NR2F6: variants seen among roughly 807,000 people sequenced by gnomAD.
The protein encoded by NR2F6 is nuclear receptor subfamily 2 group F member 6, also known as ERBA-related gene-2.
Under a neutral mutation model 26.5 loss-of-function variants are expected in NR2F6, and 16 were observed. The ratio of observed to expected loss-of-function variants is 0.60; its 90% CI spans 0.41 to 0.92. The LOEUF is 0.92. NR2F6 is among the 40% of genes least tolerant of loss of function. The pLI, the probability that NR2F6 is intolerant of heterozygous loss-of-function variation, is 0.00. For synonymous variants in NR2F6, 325 were observed against 305.0 expected, an observed-to-expected ratio of 1.07 and a Z score of -0.68; for missense variants, 536 against 631.7, an observed-to-expected ratio of 0.85 and a Z score of 1.62.
At chr19:17,234,950 G>C (rs1157653932) in intron 3 of NR2F6, among the ~76,000 whole-genome samples, 1 of 152,242 alleles carries the variant, frequency 6.6e-6, no homozygotes, top group Non-Finnish European at 1.5e-5. Context: ...ACCACTGCTA[G>C]ATAGCTGATG....
chr19:17,240,804 A>G (rs1568317904), intron 1 of NR2F6, 39 bp from the exon 2 acceptor site: 4 of 1,600,294 alleles, frequency 2.5e-6, no homozygotes, highest in Non-Finnish European at 2.6e-6. Context: ...TGAGACCCCC[A>G]TATCCTCCTC....
intron 2 of NR2F6, among the ~76,000 whole-genome samples, chr19:17,239,336 A>AAAAAC (rs137878588): frequency 0.061 from 9,046 of 149,450 alleles, 365 homozygotes; most frequent in Middle Eastern, 0.2. Flanking sequence ...ACTCTGTCTC[A>AAAAAC]AAAACAAAAC....
At chr19:17,234,057 T>C (rs1446216030) in intron 3 of NR2F6, among the ~76,000 whole-genome samples, 1 of 151,798 alleles carries the variant, frequency 6.6e-6, no homozygotes, top group African/African-American at 2.4e-5. Context: ...ACCCCGTCTC[T>C]ACTAAAAACA....
intron 1 of NR2F6, among the ~76,000 whole-genome samples, chr19:17,243,629 G>A (rs2073480519): frequency 6.6e-6 from 1 of 152,180 alleles, no homozygotes; most frequent in Non-Finnish European, 1.5e-5. Flanking sequence ...ACTTTGTGCT[G>A]GAGGAGGGAG....
In NR2F6 at chr19:17,245,193, C is replaced by A. The variant is rs1366448172; in HGVS notation, c.28G>T (p.Gly10Cys). MAMVTGGWG[G>C]PGGDTNGVDK... Reference sequence around the variant, plus strand: ...ACGCCGTTCGTGTCGCCGCCGGGGCCGCCCCAGCCGCCGGTCACCATGGCC... The same window carrying A: ...ACGCCGTTCGTGTCGCCGCCGGGGCAGCCCCAGCCGCCGGTCACCATGGCC... Residue 10 changes from glycine (G) to cysteine (C), a missense_variant, in exon 1 of 4, where the codon GGC becomes TGC. Coordinates refer to ENST00000291442, the MANE Select transcript of NR2F6 (RefSeq NM_005234.4). This position sits in a 1 kb window ranked among gnomAD's most constrained non-coding sequence, Gnocchi z 5.0. 3 of 1,376,942 alleles carry A rather than the reference C, an allele frequency of 2.2e-6. No homozygotes were observed. The highest frequency in any genetic ancestry group is 3.2e-5 in the Admixed American group (1 of 31,660). The allele number at this position is 1,376,942 out of a possible 1,614,324, so 85.3% of individuals were successfully genotyped here.
In NR2F6 at chr19:17,240,775, C is replaced by T; in HGVS notation, c.279-10G>A. 1 of 1,613,176 alleles carries T rather than the reference C, an allele frequency of 6.2e-7. No individual in the cohort carries two copies. Among genetic ancestry groups the T allele is most frequent in the Non-Finnish European group, 8.5e-7 (1 of 1,179,500 alleles). On this transcript the variant is annotated splice_polypyrimidine_tract_variant and intron_variant, in intron 1 of 3. Transcript: ENST00000291442. ...GCAGTCACGGTTGGACCTGGGGGCA[C>T]ACAGAAGCCAGGGCTCCCTGAGACC...
chr19:17,244,796 G>A (rs974795810), intron 1 of NR2F6, 147 bp downstream of exon 1: 20 of 881,958 alleles, frequency 2.3e-5, no homozygotes, highest in Middle Eastern at 6.6e-4. Context: ...CATGGAATGC[G>A]GGAGGAGGGT....
At chr19:17,242,204 G>A (rs537837387) in intron 1 of NR2F6, among the ~76,000 whole-genome samples, 4 of 152,286 alleles carry the variant, frequency 2.6e-5, no homozygotes, top group African/African-American at 9.6e-5. Context: ...TGTAATCCCA[G>A]CTATTTGGGA....
intron 2 of NR2F6, among the ~76,000 whole-genome samples, chr19:17,239,105 G>A (rs1599455613): frequency 6.6e-6 from 1 of 152,180 alleles, no homozygotes; most frequent in South Asian, 2.1e-4. Context: ...TTGGGAGGCC[G>A]AGGCGGGCAG....
intron 2 of NR2F6, among the ~76,000 whole-genome samples, chr19:17,239,514 C>G (rs1053297482): frequency 1.3e-5 from 2 of 151,764 alleles, no homozygotes; most frequent in African/African-American, 4.8e-5. Flanking sequence ...AATATCCGGG[C>G]GAGATGGCAG....
At chr19:17,243,863 C>T (rs1568318586) in intron 1 of NR2F6, among the ~76,000 whole-genome samples, 1 of 152,198 alleles carries the variant, frequency 6.6e-6, no homozygotes, top group Non-Finnish European at 1.5e-5. Flanking sequence ...CCTCCATGTC[C>T]AACGCAAAGC....
intron 3 of NR2F6, among the ~76,000 whole-genome samples, chr19:17,233,775 G>A (rs949513839): frequency 2.2e-4 from 34 of 151,902 alleles, no homozygotes; most frequent in Admixed American, 2.1e-3. Flanking sequence ...GGATTACAGG[G>A]CCACCAGCCA....
intron 2 of NR2F6, 97 bp downstream of exon 2, chr19:17,240,574 G>T: frequency 1.8e-6 from 2 of 1,136,638 alleles, no homozygotes; most frequent in Non-Finnish European, 2.5e-6. Flanking sequence ...GAAAGGGAGG[G>T]GTGAAAGGGA....
In NR2F6 at chr19:17,236,024, C is replaced by T; in HGVS notation, c.415G>A (p.Val139Met). The change falls in exon 3 of 4, where the codon GTG (valine) becomes ATG (methionine). Residue 139 changes from valine to methionine, a missense_variant. By Grantham distance (21) the Val-to-Met change is conservative (BLOSUM62 1). Transcript: ENST00000291442. ...GRIPHSLPGA[V>M]AASSGSPPGS... The stretch of plus-strand genomic sequence containing the variant: ...GGGGGGCTGCCCGAGGAGGCGGCCA[C>T]GGCACCAGGCAGCGAGTGCGGGATG... The T allele has an allele frequency of 7.2e-7, 1 of 1,386,318 alleles. No homozygotes were observed. Among genetic ancestry groups the T allele is most frequent in the Non-Finnish European group, 9.3e-7 (1 of 1,077,928 alleles). The allele number at this position is 1,386,318 out of a possible 1,614,324, so 85.9% of individuals were successfully genotyped here.
chr19:17,235,817 G>A lies in NR2F6; in HGVS notation c.622C>T (p.Arg208Trp), dbSNP rs2073433651. Residue 208 changes from arginine to tryptophan, a missense_variant, in exon 3 of 4, where the codon CGG becomes TGG. Physicochemically the swap from Arg to Trp is moderately radical, Grantham distance 101. Coordinates refer to ENST00000291442, the MANE Select transcript of NR2F6 (RefSeq NM_005234.4). This position sits in a 1 kb window ranked among gnomAD's most constrained non-coding sequence, Gnocchi z 5.0. Reference sequence around the variant, plus strand: ...CACTCCACGGTGCTGAAGAGCAGCCGCGCCGCCAGCTCGCACACGTTGTCG... The same window carrying A: ...CACTCCACGGTGCTGAAGAGCAGCCACGCCGCCAGCTCGCACACGTTGTCG... ...GIDNVCELAA[R>W]LLFSTVEWAR... 1 of 1,479,766 alleles carries A rather than the reference G, an allele frequency of 6.8e-7. No homozygotes were observed. The highest frequency in any genetic ancestry group is 8.9e-7 in the Non-Finnish European group (1 of 1,123,980). 91.7% of individuals were successfully genotyped at this position (1,479,766 alleles called of 1,614,324 possible).
intron 3 of NR2F6, among the ~76,000 whole-genome samples, chr19:17,234,728 G>A (rs549382478): frequency 6.6e-6 from 1 of 152,218 alleles, no homozygotes; most frequent in East Asian, 1.9e-4. Context: ...GGTGGTGCAC[G>A]CCTGTGGTCC....
Position 17,232,632 on chromosome 19 carries a change from G to T in NR2F6, c.941-6C>A. 6.5e-7 allele frequency: 1 copy of T among 1,526,922 alleles called. No homozygotes were observed. The allele number at this position is 1,526,922 out of a possible 1,614,324, so 94.6% of individuals were successfully genotyped here. ...GTCTGAGAGGCCACAGGCGTCTAGG[G>T]GGACAAAGGCAAGTCAGACAGGTGG... On this transcript the variant is annotated splice_region_variant and splice_polypyrimidine_tract_variant and intron_variant, in intron 3 of 3. Transcript: ENST00000291442.
At chr19:17,234,696 T>TA (rs1013997158) in intron 3 of NR2F6, among the ~76,000 whole-genome samples, 4 of 150,800 alleles carry the variant, frequency 2.7e-5, no homozygotes, top group South Asian at 2.1e-4. Context: ...AGAAAACGTT[T>TA]AAAAAAAAAT....
intron 3 of NR2F6, among the ~76,000 whole-genome samples, chr19:17,233,544 C>A (rs1465903632): frequency 6.6e-6 from 1 of 151,990 alleles, no homozygotes; most frequent in Non-Finnish European, 1.5e-5. Context: ...ACACTGTCGC[C>A]CAGGCTGAAG....
Sources: gnomAD v4.1 joint callset for allele counts (sites outside exome capture counted in the v4.1 genomes callset) on GRCh38, gnomAD v4.1.1 for gene constraint, Gnocchi (gnomAD v3.1) non-coding constraint, MANE v1.5 for transcripts, NCBI Gene and HGNC (gene_info 2026-07-23, HGNC 2026-07-21) for gene names.